L3MBTL3: variants seen among roughly 807,000 people sequenced by gnomAD.
L3MBTL3 encodes L3MBTL histone methyl-lysine binding protein 3, also known as lethal(3)malignant brain tumor-like protein 3.
L3MBTL3 carries 27 observed loss-of-function variants against 102.3 expected under a neutral mutation model. That is an observed-to-expected ratio of 0.26 (90% CI 0.19 to 0.36). The LOEUF is 0.36. Among genes scored for constraint, L3MBTL3 ranks in the 10% least tolerant of loss-of-function variants. The pLI is 1.00. For missense variants in L3MBTL3, 798 were observed against 955.3 expected (o/e 0.84, Z 2.17); for synonymous variants, 340 against 320.9 (o/e 1.06, Z -0.64).
chr6:130,135,819 G>C (rs1158753414), intron 22 of L3MBTL3, among the ~76,000 whole-genome samples: 2 of 152,188 alleles, frequency 1.3e-5, no homozygotes, highest in Non-Finnish European at 2.9e-5. Context: ...TCATGCTCTT[G>C]TGAGAAGGAT....
intron 2 of L3MBTL3, among the ~76,000 whole-genome samples, chr6:130,022,661 G>GT (rs1562243256): frequency 6.6e-6 from 1 of 152,194 alleles, no homozygotes; most frequent in Non-Finnish European, 1.5e-5. Flanking sequence ...TTGTTATACA[G>GT]TGATATGGAA....
At chr6:130,092,684 A>G in intron 16 of L3MBTL3, 61 bp from the exon 17 acceptor site, 1 of 1,008,792 alleles carries the variant, frequency 9.9e-7, no homozygotes, top group Non-Finnish European at 1.6e-6. Context: ...TGTGGGCAGA[A>G]CTTTGACTGT....
At chr6:130,105,942 A>G (rs1025993120) in intron 19 of L3MBTL3, among the ~76,000 whole-genome samples, 2 of 152,176 alleles carry the variant, frequency 1.3e-5, no homozygotes, top group African/African-American at 4.8e-5. Flanking sequence ...CTGTAAATCC[A>G]TATAAGAGTA....
intron 12 of L3MBTL3, among the ~76,000 whole-genome samples, chr6:130,070,473 A>C (rs777059045): frequency 6.6e-5 from 10 of 152,320 alleles, no homozygotes; most frequent in South Asian, 6.2e-4. Context: ...TTCATATATG[A>C]AGATGACCTA....
chr6:130,079,984 A>G (rs959026607), intron 14 of L3MBTL3, among the ~76,000 whole-genome samples: 1 of 152,180 alleles, frequency 6.6e-6, no homozygotes, highest in African/African-American at 2.4e-5. Context: ...CCAGGCACCT[A>G]TGGCTCACGC....
intron 14 of L3MBTL3, among the ~76,000 whole-genome samples, chr6:130,080,117 G>A (rs1186627093): frequency 1.3e-5 from 2 of 151,864 alleles, no homozygotes; most frequent in Admixed American, 6.6e-5. Context: ...AGCCAGGTGA[G>A]GTGGCATGCA....
chr6:130,040,449 G>A (rs1780349077), intron 2 of L3MBTL3, among the ~76,000 whole-genome samples: 1 of 152,004 alleles, frequency 6.6e-6, no homozygotes, highest in South Asian at 2.1e-4. Flanking sequence ...AACCGAGTTA[G>A]GCAGATCTCC....
intron 6 of L3MBTL3, among the ~76,000 whole-genome samples, chr6:130,051,994 A>G (rs1275666278): frequency 3.3e-5 from 5 of 152,254 alleles, no homozygotes; most frequent in Non-Finnish European, 7.3e-5. Flanking sequence ...CTTATCACCA[A>G]GAAGGTGTTT....
chr6:130,105,174 C>A (rs1292074082), intron 19 of L3MBTL3, among the ~76,000 whole-genome samples: 1 of 152,080 alleles, frequency 6.6e-6, no homozygotes, highest in Non-Finnish European at 1.5e-5. Flanking sequence ...AAAGAAAGAA[C>A]AGATTAGGAA....
intron 2 of L3MBTL3, among the ~76,000 whole-genome samples, chr6:130,041,462 A>T (rs1310029727): frequency 1.3e-5 from 2 of 152,212 alleles, no homozygotes; most frequent in Non-Finnish European, 2.9e-5. Flanking sequence ...TACAGATCAC[A>T]TTGGAAAGGC....
chr6:130,058,331 T>C (rs914248471), intron 9 of L3MBTL3, among the ~76,000 whole-genome samples: 1 of 152,142 alleles, frequency 6.6e-6, no homozygotes, highest in Non-Finnish European at 1.5e-5. Flanking sequence ...TTGATGTCCC[T>C]GGACTAAACC....
intron 16 of L3MBTL3, among the ~76,000 whole-genome samples, chr6:130,086,679 C>A (rs1431742739): frequency 1.3e-5 from 2 of 152,048 alleles, no homozygotes; most frequent in African/African-American, 2.4e-5. Context: ...TGAATAAAAT[C>A]AGATTTTAAT....
chr6:130,043,904 A>C (rs1426964154), intron 3 of L3MBTL3, among the ~76,000 whole-genome samples: 1 of 152,194 alleles, frequency 6.6e-6, no homozygotes. Context: ...AAAATGTTGC[A>C]CTGAGGTTTA....
Position 130,043,306 on chromosome 6 carries a change from C to G in L3MBTL3, c.102+505C>G, listed in dbSNP as rs138315255. Among the ~76,000 whole-genome samples, 9 of 152,270 alleles carry G rather than the reference C, an allele frequency of 5.9e-5. No homozygotes were observed. The East Asian group carries it at 1.5e-3, about 26-fold the overall frequency. On this transcript the variant is annotated intron_variant, in intron 3 of 22. Transcript: ENST00000361794. ...GTAAATATGGATTTTTATATAATGA[C>G]TTGTTCAAAATCGGGTTCTTCCTGT...
chr6:130,026,513 A>G (rs1031932337), intron 2 of L3MBTL3, among the ~76,000 whole-genome samples: 1 of 152,202 alleles, frequency 6.6e-6, no homozygotes, highest in Non-Finnish European at 1.5e-5. Flanking sequence ...ACATTGGTTT[A>G]CTAAGATGAG....
At chr6:130,109,493 C>CA (rs1785214849) in intron 19 of L3MBTL3, among the ~76,000 whole-genome samples, 1 of 152,184 alleles carries the variant, frequency 6.6e-6, no homozygotes. Context: ...TTGTTGGCCA[C>CA]AAAATGTCTT....
chr6:130,019,022 G>A (rs966854197), intron 1 of L3MBTL3, among the ~76,000 whole-genome samples: 4 of 151,906 alleles, frequency 2.6e-5, no homozygotes, highest in African/African-American at 9.7e-5. Flanking sequence ...GGGGAGGAGA[G>A]ACTTGTATTT....
chr6:130,032,251 C>T (rs1779773185), intron 2 of L3MBTL3, among the ~76,000 whole-genome samples: 1 of 152,172 alleles, frequency 6.6e-6, no homozygotes, highest in African/African-American at 2.4e-5. Context: ...GCACAGATGG[C>T]TTACTACCAT....
chr6:130,042,724 A>G lies in L3MBTL3; in HGVS notation c.25A>G (p.Ser9Gly). MTESASST[S>G]GQEFDVFSVM... ...CATGACTGAATCTGCCTCTAGCACA[A>G]GTGGTCAAGAGTTTGATGTGTTCAG... The change falls in exon 3 of 23, where the codon AGT (serine) becomes GGT (glycine). Residue 9 changes from serine (S) to glycine (G), a missense_variant. Ser to Gly is a moderately conservative substitution (Grantham distance 56). Around this residue, in one of 4 missense-constraint regions of L3MBTL3, gnomAD observed 434 missense variants for 506.6 expected, o/e 0.86. Transcript: ENST00000361794. The G allele has an allele frequency of 1.9e-6, 3 of 1,613,082 alleles. No homozygotes were observed. The highest frequency in any genetic ancestry group is 1.1e-5 in the South Asian group (1 of 91,032).
Sources: gnomAD v4.1 joint callset for allele counts (sites outside exome capture counted in the v4.1 genomes callset) on GRCh38, gnomAD v4.1.1 for gene constraint, gnomAD v4.1.1 regional missense constraint, MANE v1.5 for transcripts, NCBI Gene and HGNC (gene_info 2026-07-23, HGNC 2026-07-21) for gene names.